MRPL18: variants seen among roughly 807,000 people sequenced by gnomAD.
MRPL18 encodes the protein large ribosomal subunit protein uL18m.
In MRPL18, 16 loss-of-function variants were observed where a neutral mutation model predicts 20.9. The ratio of observed to expected loss-of-function variants is 0.76; its 90% CI spans 0.52 to 1.16. The LOEUF (loss-of-function observed/expected upper bound fraction) is 1.16. Among genes scored for constraint, MRPL18 ranks in the 50% most tolerant of loss-of-function variants. The pLI is 0.00. For synonymous variants in MRPL18, 91 were observed against 87.1 expected (o/e 1.04, Z -0.25); for missense variants, 233 against 230.6 (o/e 1.01, Z -0.07).
chr6:159,791,216 C>T lies in MRPL18; in HGVS notation c.239+90C>T, dbSNP rs558431968. ...CTCCAGGCACTCTCCCAGGTAGCTG[C>T]CATGCGGCGGGTAGAGGCAGGGTTC... On this transcript the variant is annotated intron_variant, in intron 2 of 3. Transcript: ENST00000367034. 8.1e-5 allele frequency: 121 copies of T among 1,487,864 alleles called. No homozygotes were observed. The African/African-American group carries it at 1.6e-3, about 20-fold the overall frequency. The allele number at this position is 1,487,864 out of a possible 1,614,324, so 92.2% of individuals were successfully genotyped here. A position where few individuals can be genotyped will look rare whatever the true frequency, so the allele number is the denominator to read the frequency against.
upstream of MRPL18, among the ~76,000 whole-genome samples, chr6:159,790,279 G>A (rs925436463): frequency 3.9e-5 from 6 of 152,234 alleles, no homozygotes; most frequent in African/African-American, 1.2e-4. Context: ...TTTGTGGGGT[G>A]TGTGCCTTTG....
chr6:159,797,645 T>G (rs760568638), intron 3 of MRPL18, 127 bp downstream of exon 3: 1 of 785,748 alleles, frequency 1.3e-6, no homozygotes, highest in Non-Finnish European at 2.0e-6. Context: ...TGGTGAGTAC[T>G]CAACAGTGTT....
chr6:159,792,051 T>G (rs7450332), intron 2 of MRPL18, among the ~76,000 whole-genome samples: 1 of 152,226 alleles, frequency 6.6e-6, no homozygotes, highest in Non-Finnish European at 1.5e-5. Context: ...CTACTTGCTT[T>G]ATATGTTTTT....
chr6:159,791,148 T>G, intron 2 of MRPL18, 22 bp downstream of exon 2: 1 of 1,613,558 alleles, frequency 6.2e-7, no homozygotes, highest in Non-Finnish European at 8.5e-7. Flanking sequence ...TGCTTGTGAT[T>G]GACAAGGGCA....
At chr6:159,794,546 A>C (rs143587071) in intron 2 of MRPL18, among the ~76,000 whole-genome samples, 2 of 152,318 alleles carry the variant, frequency 1.3e-5, no homozygotes, top group African/African-American at 4.8e-5. Flanking sequence ...AACTGTATGG[A>C]ATACTATTGC....
At chr6:159,795,450 ACT>A (rs999380631) in intron 2 of MRPL18, among the ~76,000 whole-genome samples, 25 of 143,106 alleles carry the variant, frequency 1.7e-4, no homozygotes, top group African/African-American at 6.1e-4. Context: ...AGTGGTGATG[ACT>A]CTTAACGAGC....
At position 159,798,085 on chromosome 6, in the gene MRPL18, G is replaced by T; in HGVS notation, c.505G>T (p.Gly169Cys). 1 of 1,613,744 alleles carries T rather than the reference G, an allele frequency of 6.2e-7. No individual in the cohort carries two copies. Among genetic ancestry groups the T allele is most frequent in the South Asian group, 1.1e-5 (1 of 91,034 alleles). ...ACTACAAAGTGCCATGACAGAAGGT[G>T]GTGTGGTTCTACGGGAACCTCAGAG... ...KRLQSAMTEG[G>C]VVLREPQRIY... Residue 169 changes from glycine to cysteine, a missense_variant, in exon 4 of 4, where the codon GGT (glycine) becomes TGT (cysteine). Transcript: ENST00000367034.
intron 2 of MRPL18, among the ~76,000 whole-genome samples, chr6:159,793,259 C>G (rs988637675): frequency 6.6e-6 from 1 of 152,136 alleles, no homozygotes; most frequent in African/African-American, 2.4e-5. Flanking sequence ...AGGAAATGAC[C>G]TTTGACATAA....
intron 2 of MRPL18, 30 bp downstream of exon 2, chr6:159,791,156 G>A: frequency 1.9e-6 from 3 of 1,612,074 alleles, no homozygotes; most frequent in Non-Finnish European, 1.7e-6. Flanking sequence ...ATTGACAAGG[G>A]CAGTGCACCC....
intron 2 of MRPL18, among the ~76,000 whole-genome samples, chr6:159,793,859 C>T (rs1780968822): frequency 6.6e-6 from 1 of 151,868 alleles, no homozygotes; most frequent in African/African-American, 2.4e-5. Context: ...TTGCAGTGAG[C>T]CGAGATCGCG....
At chr6:159,792,727 C>T (rs577574777) in intron 2 of MRPL18, among the ~76,000 whole-genome samples, 3 of 152,270 alleles carry the variant, frequency 2.0e-5, no homozygotes, top group East Asian at 1.9e-4. Flanking sequence ...TCCTTGACTT[C>T]CCTGGGCTCC....
intron 2 of MRPL18, among the ~76,000 whole-genome samples, chr6:159,795,813 T>G (rs143507776): frequency 0.013 from 1,982 of 152,228 alleles, 32 homozygotes; most frequent in African/African-American, 0.044. Flanking sequence ...GTGACAGGGT[T>G]TCACTCTGTC....
At chr6:159,797,582 A>C in intron 3 of MRPL18, 64 bp downstream of exon 3, 1 of 1,459,286 alleles carries the variant, frequency 6.9e-7, no homozygotes, top group Middle Eastern at 1.7e-4. Context: ...TAGATAACTT[A>C]CATAATAATA....
Position 159,797,314 on chromosome 6 carries a change from T to C in MRPL18, c.267T>C (p.His89=), listed in dbSNP as rs1395333968. The C allele has an allele frequency of 3.1e-6, 5 of 1,614,120 alleles. No individual in the cohort carries two copies. Among genetic ancestry groups the C allele is most frequent in the East Asian group, 4.5e-5 (2 of 44,902 alleles). The stretch of plus-strand genomic sequence containing the variant: ...TGCGAGTTATAAGGACTCAGCATCA[T>C]GTAGAAGCACTTGTGGAGCATCAGA... The part of the protein sequence containing the change: ...HRLRVIRTQH[H]VEALVEHQNG... The change falls in exon 3 of 4, where the codon CAT becomes CAC. Residue 89 remains histidine, a synonymous_variant. Coordinates refer to ENST00000367034, the MANE Select transcript of MRPL18 (RefSeq NM_014161.5).
At position 159,798,334 on chromosome 6, in the gene MRPL18, A is replaced by G; in HGVS notation, c.*211A>G. Reference sequence around the variant, plus strand: ...TGCCCCTCTCTTGGGCTTCAGAAGCATCTAAGAAAAGCAGTCATCAATTAT... The same window carrying G: ...TGCCCCTCTCTTGGGCTTCAGAAGCGTCTAAGAAAAGCAGTCATCAATTAT... On this transcript the variant is annotated 3_prime_UTR_variant, in exon 4 of 4. Transcript: ENST00000367034. 1 of 447,548 alleles carries G rather than the reference A, an allele frequency of 2.2e-6. No homozygotes were observed. The highest frequency in any genetic ancestry group is 5.3e-4 in the Middle Eastern group (1 of 1,878). 27.7% of individuals were successfully genotyped at this position (447,548 alleles called of 1,614,324 possible). A position where few individuals can be genotyped will look rare whatever the true frequency, so the allele number is the denominator to read the frequency against.
intron 2 of MRPL18, among the ~76,000 whole-genome samples, chr6:159,791,649 C>T (rs570143112): frequency 2.0e-5 from 3 of 152,270 alleles, no homozygotes; most frequent in African/African-American, 7.2e-5. Flanking sequence ...GCCTGTAATC[C>T]CAGCACTTTA....
chr6:159,794,996 A>T (rs1394886997), intron 2 of MRPL18, among the ~76,000 whole-genome samples: 3 of 152,230 alleles, frequency 2.0e-5, no homozygotes, highest in African/African-American at 7.2e-5. Context: ...CATGTGAACA[A>T]AGGTCTTTGC....
At position 159,797,365 on chromosome 6, in the gene MRPL18, C is replaced by T. The variant is rs756671007; in HGVS notation, c.318C>T (p.Ser106=). The T allele has an allele frequency of 1.2e-6, 2 of 1,614,044 alleles. No individual in the cohort carries two copies. Among genetic ancestry groups the T allele is most frequent in the East Asian group, 4.5e-5 (2 of 44,894 alleles). ...ATGGCAAGGTTGTGGTTTCGGCCTC[C>T]ACTCGTGAGTGGGCTATTAAAAAGC... ...HQNGKVVVSA[S]TREWAIKKHL... is the part of the protein sequence containing the mutation. Residue 106 remains serine (S), a synonymous_variant, in exon 3 of 4, where the codon TCC becomes TCT. Coordinates refer to ENST00000367034, the MANE Select transcript of MRPL18 (RefSeq NM_014161.5).
intron 2 of MRPL18, among the ~76,000 whole-genome samples, chr6:159,793,076 T>C (rs1213915749): frequency 2.6e-5 from 4 of 152,036 alleles, no homozygotes; most frequent in African/African-American, 9.7e-5. Flanking sequence ...ATCTGCCTGA[T>C]TCAGCCTCCC....
Sources: allele counts gnomAD v4.1 joint callset (sites outside exome capture counted in the v4.1 genomes callset), GRCh38; gene constraint gnomAD v4.1.1; transcripts MANE v1.5; gene names NCBI Gene and HGNC (gene_info 2026-07-23, HGNC 2026-07-21).